The following PLXNC1 variants were observed in gnomAD, a reference collection of about 807,000 sequenced individuals.
PLXNC1 encodes plexin C1, also known as plexin-C1.
Under a neutral mutation model 178.2 loss-of-function variants are expected in PLXNC1, and 75 were observed. The observed-to-expected ratio is 0.42, with a 90% CI of 0.35 to 0.51. The LOEUF (loss-of-function observed/expected upper bound fraction) is 0.51, where lower values mean the gene tolerates loss of function less well. Among genes scored for constraint, PLXNC1 ranks in the 20% least tolerant of loss-of-function variants. The pLI, the probability that PLXNC1 is intolerant of heterozygous loss-of-function variation, is 0.02. For missense variants in PLXNC1, 1,503 were observed against 1,984.4 expected (o/e 0.76, Z 4.61); for synonymous variants, 790 against 779.9 (o/e 1.01, Z -0.22).
intron 1 of PLXNC1, among the ~76,000 whole-genome samples, chr12:94,167,508 C>T (rs539398086): frequency 7.5e-4 from 114 of 152,296 alleles, no homozygotes; most frequent in African/African-American, 2.7e-3. Context: ...GCTGATCTTA[C>T]GTTTGAACAA....
At position 94,241,050 on chromosome 12, in the gene PLXNC1, T is replaced by C. The variant is rs183303289; in HGVS notation, c.2300+386T>C. 1.3e-3 allele frequency among the ~76,000 whole-genome samples: 191 copies of C among 152,268 alleles called. 2 individuals carry two copies. Among genetic ancestry groups the C allele is most frequent in the African/African-American group, 4.4e-3 (184 of 41,556 alleles). On this transcript the variant is annotated intron_variant, in intron 11 of 30. Coordinates refer to ENST00000258526, the MANE Select transcript of PLXNC1 (RefSeq NM_005761.3). ...GCTGTTTTGAATTCTTTGGGGGAAA[T>C]ATTGGGAGCTATCAAAATGAAAAGC...
rs1182967253 is a variant in PLXNC1 at position 94,149,603 on chromosome 12, A to T, written c.632A>T (p.Glu211Val). 6.3e-7 allele frequency: 1 copy of T among 1,579,030 alleles called. No homozygotes were observed. The highest frequency in any genetic ancestry group is 8.6e-7 in the Non-Finnish European group (1 of 1,164,178). Residue 211 changes from glutamate to valine, a missense_variant, in exon 1 of 31, where the codon GAG (glutamate) becomes GTG (valine). Coordinates refer to ENST00000258526, the MANE Select transcript of PLXNC1 (RefSeq NM_005761.3). ...HDTAIALKDT[E>V]GRSLATQELG... ...ACGGCCATCGCGCTCAAGGACACGG[A>T]GGGGCGCAGCCTGGCCACGCAGGAG...
intron 5 of PLXNC1, among the ~76,000 whole-genome samples, chr12:94,213,765 C>T (rs1447285930): frequency 1.3e-5 from 2 of 152,024 alleles, no homozygotes; most frequent in African/African-American, 2.4e-5. Flanking sequence ...AGGTTTTCTT[C>T]TAGGGTTTTT....
intron 5 of PLXNC1, among the ~76,000 whole-genome samples, chr12:94,213,055 T>C (rs1240077621): frequency 6.6e-6 from 1 of 152,268 alleles, no homozygotes; most frequent in East Asian, 1.9e-4. Flanking sequence ...CTATCATGGA[T>C]GGACATTTGG....
intron 23 of PLXNC1, among the ~76,000 whole-genome samples, chr12:94,293,433 A>T (rs913547431): frequency 2.6e-5 from 4 of 152,232 alleles, no homozygotes; most frequent in African/African-American, 9.6e-5. Context: ...GGGCTGCTAT[A>T]ACAGAATACC....
intron 4 of PLXNC1, among the ~76,000 whole-genome samples, chr12:94,186,983 T>G (rs948483720): frequency 6.6e-6 from 1 of 152,236 alleles, no homozygotes; most frequent in African/African-American, 2.4e-5. Flanking sequence ...CTGCCCAGCC[T>G]GGTCTGGAAT....
At chr12:94,156,477 C>CTTTTT (rs33995488) in intron 1 of PLXNC1, among the ~76,000 whole-genome samples, 3 of 140,174 alleles carry the variant, frequency 2.1e-5, no homozygotes, top group African/African-American at 2.7e-5. Context: ...CACTGTCTAT[C>CTTTTT]TTTTTTTTTT....
rs1234825040 is a variant in PLXNC1, at chr12:94,254,877, A to G, written c.2972A>G (p.Glu991Gly). 1.2e-6 allele frequency: 2 copies of G among 1,610,498 alleles called. No homozygotes were observed. Among genetic ancestry groups the G allele is most frequent in the Non-Finnish European group, 1.7e-6 (2 of 1,178,574 alleles). Residue 991 changes from glutamate (E) to glycine (G), a missense_variant, in exon 16 of 31, where the codon GAG (glutamate) becomes GGG (glycine). Around this residue, in one of 4 missense-constraint regions of PLXNC1, gnomAD observed 639 missense variants for 979.7 expected, o/e 0.65. Coordinates refer to ENST00000258526, the MANE Select transcript of PLXNC1 (RefSeq NM_005761.3). ...TTGCTGGAAAGCGAGCTCCGGAAAG[A>G]GATACGTGACGGTAGGCTCCAAAAT... ...LELLESELRK[E>G]IRDGFAELQM...
chr12:94,274,337 AAAAG>A (rs1965786499), intron 21 of PLXNC1, among the ~76,000 whole-genome samples: 1 of 152,066 alleles, frequency 6.6e-6, no homozygotes, highest in Non-Finnish European at 1.5e-5. Flanking sequence ...TGTCTATTAA[AAAAG>A]AAAGAAAGAA....
At chr12:94,197,831 G>T (rs1962973244) in intron 4 of PLXNC1, among the ~76,000 whole-genome samples, 1 of 152,170 alleles carries the variant, frequency 6.6e-6, no homozygotes, top group South Asian at 2.1e-4. Flanking sequence ...CATGGCAGTG[G>T]GTGGAGAGGG....
intron 9 of PLXNC1, among the ~76,000 whole-genome samples, chr12:94,236,026 G>A (rs1449610641): frequency 6.6e-6 from 1 of 152,198 alleles, no homozygotes; most frequent in African/African-American, 2.4e-5. Flanking sequence ...ATTTGCAAGA[G>A]ATTTATCTTG....
intron 4 of PLXNC1, among the ~76,000 whole-genome samples, chr12:94,189,356 G>A (rs1453759660): frequency 6.6e-6 from 1 of 152,148 alleles, no homozygotes; most frequent in Non-Finnish European, 1.5e-5. Flanking sequence ...AAGGTGGCAG[G>A]GTCTGTGTTG....
rs1414682438 is a variant in PLXNC1 at position 94,248,115 on chromosome 12, C to G, written c.2592+9C>G. 19 of 1,613,514 alleles carry G rather than the reference C, an allele frequency of 1.2e-5. No individual in the cohort carries two copies. The highest frequency in any genetic ancestry group is 1.6e-5 in the Non-Finnish European group (19 of 1,179,560). On this transcript the variant is annotated intron_variant, in intron 13 of 30. Coordinates refer to ENST00000258526, the MANE Select transcript of PLXNC1 (RefSeq NM_005761.3). ...TGGAAGTGAAAATTCAAGTATGTTT[C>G]TTTTCTTTCTGGGTGGGATGTCACC...
chr12:94,286,758 T>C (rs550291994), intron 23 of PLXNC1, among the ~76,000 whole-genome samples: 1 of 152,242 alleles, frequency 6.6e-6, no homozygotes, highest in African/African-American at 2.4e-5. Context: ...CAGTTCCTCC[T>C]ACTATCTAAA....
At chr12:94,229,856 T>A (rs1964044741) in intron 9 of PLXNC1, among the ~76,000 whole-genome samples, 1 of 152,240 alleles carries the variant, frequency 6.6e-6, no homozygotes, top group African/African-American at 2.4e-5. Context: ...GTTCTTCTTT[T>A]TCAAGATTGT....
At chr12:94,175,434 C>G (rs1962015379) in intron 2 of PLXNC1, among the ~76,000 whole-genome samples, 1 of 152,072 alleles carries the variant, frequency 6.6e-6, no homozygotes, top group South Asian at 2.1e-4. Flanking sequence ...CCTCATTTTC[C>G]TCACCATGAT....
In PLXNC1 at chr12:94,304,069, A is replaced by G. The variant is rs907348439; in HGVS notation, c.4602+18A>G. On this transcript the variant is annotated intron_variant, in intron 30 of 30. Transcript: ENST00000258526. ...TTGATGAGGTAAGATTTTAAATAAC[A>G]TTGTTTTTAACCTTTGAATCAGGCA... is the stretch of plus-strand genomic sequence containing the variant. The G allele has an allele frequency of 7.1e-7, 1 of 1,417,640 alleles. No homozygotes were observed. 87.8% of individuals were successfully genotyped at this position (1,417,640 alleles called of 1,614,324 possible).
chr12:94,209,915 ATCATGGGCCTGCTC>A (rs1031204242), intron 5 of PLXNC1, among the ~76,000 whole-genome samples: 7 of 152,224 alleles, frequency 4.6e-5, no homozygotes, highest in African/African-American at 1.7e-4. Flanking sequence ...ACCAAGTCAC[ATCATGGGCCTGCTC>A]TCATGGAGTT....
intron 4 of PLXNC1, among the ~76,000 whole-genome samples, chr12:94,199,220 C>T (rs936954785): frequency 2.0e-5 from 3 of 152,258 alleles, no homozygotes; most frequent in Admixed American, 6.5e-5. Flanking sequence ...GTGGAATGGC[C>T]GACAATTTGA....
Sources: gnomAD v4.1 joint callset for allele counts (sites outside exome capture counted in the v4.1 genomes callset) on GRCh38, gnomAD v4.1.1 for gene constraint, gnomAD v4.1.1 regional missense constraint, MANE v1.5 for transcripts, NCBI Gene and HGNC (gene_info 2026-07-23, HGNC 2026-07-21) for gene names.